NRXN1: variants seen among roughly 807,000 people sequenced by gnomAD.
The protein encoded by NRXN1 is neurexin 1.
NRXN1 carries 39 observed loss-of-function variants against 150.9 expected under a neutral mutation model. The observed-to-expected ratio is 0.26, with a 90% confidence interval of 0.20 to 0.34. The LOEUF (loss-of-function observed/expected upper bound fraction) is 0.34, where lower values mean the gene tolerates loss of function less well. Ranked by LOEUF, NRXN1 falls within the 10% of genes least tolerant of loss-of-function variation. The pLI, the probability that NRXN1 is intolerant of heterozygous loss-of-function variation, is 1.00. For synonymous variants in NRXN1, 924 were observed against 757.0 expected (o/e 1.22, Z -3.62); for missense variants, 1,815 against 1,949.9 (o/e 0.93, Z 1.30).
intron 21 of NRXN1, among the ~76,000 whole-genome samples, chr2:50,017,552 A>G (rs1338312091): frequency 2.0e-5 from 3 of 152,144 alleles, no homozygotes; most frequent in African/African-American, 7.2e-5. Flanking sequence ...AGAGCAAACC[A>G]TCACCCCAGG....
chr2:50,130,416 C>T (rs1031450685), intron 18 of NRXN1, among the ~76,000 whole-genome samples: 2 of 152,120 alleles, frequency 1.3e-5, no homozygotes, highest in African/African-American at 4.8e-5. Context: ...ACAGAACCCC[C>T]ATCTCCATGG....
intron 5 of NRXN1, among the ~76,000 whole-genome samples, chr2:50,666,360 T>C (rs1023546926): frequency 8.5e-5 from 13 of 152,098 alleles, no homozygotes; most frequent in Middle Eastern, 3.4e-3. Context: ...AACAAGTCAC[T>C]ACAGTGAATT....
chr2:50,190,468 T>G (rs1259262672), intron 18 of NRXN1, among the ~76,000 whole-genome samples: 1 of 152,182 alleles, frequency 6.6e-6, no homozygotes, highest in South Asian at 2.1e-4. Context: ...AAAAAAGTTA[T>G]TTAGTTTCTA....
intron 21 of NRXN1, among the ~76,000 whole-genome samples, chr2:50,016,933 T>C (rs1686731483): frequency 1.3e-5 from 2 of 152,092 alleles, no homozygotes; most frequent in South Asian, 4.1e-4. Context: ...AGAACAATAA[T>C]ATCCGTAAGT....
chr2:50,678,006 T>C (rs1019836376), intron 5 of NRXN1, among the ~76,000 whole-genome samples: 1 of 152,158 alleles, frequency 6.6e-6, no homozygotes, highest in African/African-American at 2.4e-5. Context: ...AATTCTATCA[T>C]CTTAGCATTC....
chr2:50,368,399 T>C (rs1391503982), intron 17 of NRXN1, among the ~76,000 whole-genome samples: 1 of 152,006 alleles, frequency 6.6e-6, no homozygotes, highest in African/African-American at 2.4e-5. Flanking sequence ...TCTATAGTTG[T>C]TATTACAAAA....
chr2:50,219,950 TA>T, intron 18 of NRXN1, among the ~76,000 whole-genome samples: 1 of 70,336 alleles, frequency 1.4e-5, no homozygotes, highest in Non-Finnish European at 2.4e-5. Context: ...ATATTATATA[TA>T]TAATATATAT....
intron 22 of NRXN1, among the ~76,000 whole-genome samples, chr2:49,943,402 C>T (rs987218419): frequency 2.0e-5 from 3 of 152,178 alleles, no homozygotes; most frequent in Non-Finnish European, 4.4e-5. Flanking sequence ...CAAGGGAAAG[C>T]TCATTATATT....
chr2:50,596,201 T>C (rs1210299854), intron 8 of NRXN1, among the ~76,000 whole-genome samples: 1 of 152,220 alleles, frequency 6.6e-6, no homozygotes, highest in Non-Finnish European at 1.5e-5. Flanking sequence ...TTTCTCTTCT[T>C]CACCCACTCT....
At chr2:50,700,271 C>T (rs546879168) in intron 5 of NRXN1, among the ~76,000 whole-genome samples, 25 of 152,240 alleles carry the variant, frequency 1.6e-4, no homozygotes, top group African/African-American at 5.8e-4. Context: ...GTAACCAGCA[C>T]CTGACCTACA....
intron 5 of NRXN1, among the ~76,000 whole-genome samples, chr2:50,818,682 C>T (rs868240308): frequency 2.8e-4 from 42 of 151,870 alleles, no homozygotes; most frequent in Middle Eastern, 3.4e-3. Flanking sequence ...AATAAGACTA[C>T]ATTAAACTAA....
chr2:50,860,701 T>C lies in NRXN1; in HGVS notation c.832+61168A>G, dbSNP rs1322058241. Among the ~76,000 whole-genome samples the C allele has an allele frequency of 4.6e-5, 7 of 152,108 alleles. No individual in the cohort carries two copies. The East Asian group carries it at 9.7e-4, about 21-fold the overall frequency. ...GGGCAAGTCATGCATCCATTCATTC[T>C]ACATTCACTGCTCATTTCCTGAGTT... On this transcript the variant is annotated intron_variant, in intron 5 of 22. Coordinates refer to ENST00000401669, the MANE Select transcript of NRXN1 (RefSeq NM_001330078.2).
chr2:50,306,097 C>A (rs977022083), intron 17 of NRXN1, among the ~76,000 whole-genome samples: 1 of 152,136 alleles, frequency 6.6e-6, no homozygotes, highest in South Asian at 2.1e-4. Context: ...CATAAAGAAG[C>A]CTTTAGACCT....
intron 2 of NRXN1, among the ~76,000 whole-genome samples, chr2:50,994,847 A>G (rs1461622543): frequency 6.6e-6 from 1 of 152,054 alleles, no homozygotes; most frequent in Non-Finnish European, 1.5e-5. Context: ...GATACAAAAT[A>G]ACCTGAACCT....
chr2:50,592,039 A>G (rs775873736), intron 8 of NRXN1, among the ~76,000 whole-genome samples: 1 of 152,162 alleles, frequency 6.6e-6, no homozygotes, highest in African/African-American at 2.4e-5. Flanking sequence ...CAAGGAGGAG[A>G]TAAGAATAAC....
In NRXN1 at chr2:50,021,371, T is replaced by G. The variant is rs929679390; in HGVS notation, c.4128+31900A>C. On this transcript the variant is annotated intron_variant, in intron 21 of 22. Coordinates refer to ENST00000401669, the MANE Select transcript of NRXN1 (RefSeq NM_001330078.2). ...ACTATATATAGCTAGTATAGCAGGA[T>G]GGAAACTTCTTTTGGTTGGAAAATG... Among the ~76,000 whole-genome samples the G allele has an allele frequency of 5.9e-5, 9 of 152,280 alleles. No homozygotes were observed. In the East Asian group the frequency reaches 1.7e-3, roughly 29 times the overall value.
intron 15 of NRXN1, among the ~76,000 whole-genome samples, chr2:50,484,699 G>A (rs999646561): frequency 6.6e-6 from 1 of 152,182 alleles, no homozygotes; most frequent in Non-Finnish European, 1.5e-5. Flanking sequence ...TGTTTGAGGA[G>A]AACTTCAGGG....
chr2:50,490,039 C>T (rs1450217244), intron 15 of NRXN1, among the ~76,000 whole-genome samples: 5 of 152,324 alleles, frequency 3.3e-5, no homozygotes, highest in African/African-American at 9.6e-5. Context: ...AGAAGAGAAA[C>T]AGTTTCACAT....
chr2:50,716,963 G>A (rs1695942899), intron 5 of NRXN1, among the ~76,000 whole-genome samples: 1 of 151,532 alleles, frequency 6.6e-6, no homozygotes, highest in South Asian at 2.1e-4. Flanking sequence ...CTTATTTATT[G>A]GCTATTACAT....
Sources: allele counts gnomAD v4.1 joint callset (sites outside exome capture counted in the v4.1 genomes callset), GRCh38; gene constraint gnomAD v4.1.1; transcripts MANE v1.5; gene names NCBI Gene and HGNC (gene_info 2026-07-23, HGNC 2026-07-21).